AP3B1: variants seen among roughly 807,000 people sequenced by gnomAD.
AP3B1 encodes adaptor related protein complex 3 subunit beta 1.
In AP3B1, 61 loss-of-function variants were observed where a neutral mutation model predicts 132.5. The ratio of observed to expected loss-of-function variants is 0.46; its 90% CI spans 0.37 to 0.57. The LOEUF is 0.57. Among genes scored for constraint, AP3B1 ranks in the 20% least tolerant of loss-of-function variants. The pLI, the probability that AP3B1 is intolerant of heterozygous loss-of-function variation, is 0.00. For synonymous variants in AP3B1, 388 were observed against 438.3 expected (o/e 0.89, Z 1.43); for missense variants, 1,120 against 1,289.4 (o/e 0.87, Z 2.01).
chr5:78,123,784 G>C (rs1293378678), intron 17 of AP3B1, among the ~76,000 whole-genome samples: 1 of 151,736 alleles, frequency 6.6e-6, no homozygotes, highest in Non-Finnish European at 1.5e-5. Context: ...GTGGAAGTCA[G>C]TGTGGCGATT....
chr5:78,158,989 G>A (rs943524253), intron 13 of AP3B1, among the ~76,000 whole-genome samples: 5 of 152,078 alleles, frequency 3.3e-5, no homozygotes, highest in Non-Finnish European at 4.4e-5. Flanking sequence ...GAGCCACCGC[G>A]CCCACCCATA....
At chr5:78,059,197 T>C (rs1206226220) in intron 22 of AP3B1, among the ~76,000 whole-genome samples, 1 of 152,178 alleles carries the variant, frequency 6.6e-6, no homozygotes, top group Non-Finnish European at 1.5e-5. Flanking sequence ...ACAACTCAAT[T>C]GGCCATTGCT....
At chr5:78,097,542 C>T (rs1197965405) in intron 21 of AP3B1, among the ~76,000 whole-genome samples, 1 of 113,500 alleles carries the variant, frequency 8.8e-6, no homozygotes, top group Non-Finnish European at 1.8e-5. Context: ...CCAGCCGCCC[C>T]GTCCGGGAGG....
In AP3B1 at chr5:78,113,841, G is replaced by A. The variant is rs1422424722; in HGVS notation, c.2160C>T (p.Ser720=). 1 of 1,614,132 alleles carries A rather than the reference G, an allele frequency of 6.2e-7. No homozygotes were observed. Among genetic ancestry groups the A allele is most frequent in the Admixed American group, 1.7e-5 (1 of 60,028 alleles). Residue 720 remains serine (S), a synonymous_variant, in exon 19 of 27, where the codon TCC becomes TCT. Coordinates refer to ENST00000255194, the MANE Select transcript of AP3B1 (RefSeq NM_003664.5). ...GDSNEDSSED[S]SSEQDSESGR... ...CACTCTCACTGTCCTGCTCACTGGAGGAGTCCTCACTGCTGTCCTCATTGC... is the reference window on the plus strand; with the variant it reads ...CACTCTCACTGTCCTGCTCACTGGAAGAGTCCTCACTGCTGTCCTCATTGC...
chr5:78,122,617 T>C (rs1752264058), intron 17 of AP3B1, among the ~76,000 whole-genome samples: 1 of 151,970 alleles, frequency 6.6e-6, no homozygotes, highest in Non-Finnish European at 1.5e-5. Flanking sequence ...GAGAATAAAA[T>C]ACCTAGGAAT....
intron 3 of AP3B1, among the ~76,000 whole-genome samples, chr5:78,231,194 C>A (rs1460160028): frequency 6.6e-6 from 1 of 152,062 alleles, no homozygotes; most frequent in Non-Finnish European, 1.5e-5. Context: ...GTTTTTAAGA[C>A]AAAGTCTCAC....
At position 78,002,638 on chromosome 5, in the gene AP3B1, GAC is replaced by G. The variant is rs1408365912; in HGVS notation, c.*262_*263del. The G allele has an allele frequency of 1.7e-6, 1 of 599,088 alleles. No individual in the cohort carries two copies. Among genetic ancestry groups the G allele is most frequent in the Non-Finnish European group, 3.0e-6 (1 of 337,452 alleles). 37.1% of individuals were successfully genotyped at this position (599,088 alleles called of 1,614,324 possible). ...ACGAGGAGGCCAAAAGAAGCAGCAG[GAC>G]AGAGAAAACGCCACATGGATTCAAG... is the stretch of plus-strand genomic sequence containing the variant. On this transcript the variant is annotated 3_prime_UTR_variant, in exon 27 of 27. Transcript: ENST00000255194.
At chr5:78,117,928 G>C (rs1157839995) in intron 17 of AP3B1, among the ~76,000 whole-genome samples, 1 of 152,114 alleles carries the variant, frequency 6.6e-6, no homozygotes, top group African/African-American at 2.4e-5. Context: ...TTTATTGATT[G>C]TACCTTTGAG....
At chr5:78,267,425 A>C in intron 2 of AP3B1, 95 bp downstream of exon 2, 1 of 514,050 alleles carries the variant, frequency 1.9e-6, no homozygotes, top group Non-Finnish European at 3.2e-6. Context: ...AGAATATTAG[A>C]CTTGGTATTT....
At chr5:78,216,292 G>A in intron 6 of AP3B1, 55 bp from the exon 7 acceptor site, 3 of 1,519,306 alleles carry the variant, frequency 2.0e-6, no homozygotes, top group Admixed American at 3.7e-5. Context: ...CTACATCAAA[G>A]GTCTTACTCA....
chr5:78,254,292 T>C (rs996645299), intron 2 of AP3B1, among the ~76,000 whole-genome samples: 2 of 152,150 alleles, frequency 1.3e-5, no homozygotes, highest in African/African-American at 4.8e-5. Context: ...GTAGAAAGTT[T>C]ATTCAAAGGG....
intron 21 of AP3B1, among the ~76,000 whole-genome samples, chr5:78,097,205 C>A (rs1750871711): frequency 8.1e-6 from 1 of 123,318 alleles, no homozygotes; most frequent in Non-Finnish European, 1.7e-5. Flanking sequence ...AGCCCCTCTG[C>A]CCGGCCAGCC....
chr5:78,225,437 C>A, intron 6 of AP3B1, 105 bp downstream of exon 6: 1 of 613,574 alleles, frequency 1.6e-6, no homozygotes, highest in South Asian at 3.2e-5. Context: ...ATATTTATAC[C>A]ATTTTGAAAT....
intron 26 of AP3B1, among the ~76,000 whole-genome samples, chr5:78,013,979 C>T (rs940917296): frequency 1.2e-4 from 18 of 152,030 alleles, no homozygotes; most frequent in South Asian, 1.0e-3. Context: ...CTGGCTAACA[C>T]AGTGAAACCC....
chr5:78,212,657 G>A (rs146155228), intron 7 of AP3B1, among the ~76,000 whole-genome samples: 2 of 152,244 alleles, frequency 1.3e-5, no homozygotes, highest in East Asian at 3.9e-4. Flanking sequence ...AGTGTTGATG[G>A]TAAAAGGATA....
intron 22 of AP3B1, among the ~76,000 whole-genome samples, chr5:78,081,241 C>T (rs191118760): frequency 2.7e-4 from 41 of 150,378 alleles, no homozygotes; most frequent in Non-Finnish European, 5.5e-4. Context: ...AAGGAAGAGA[C>T]ATACTTGGAT....
chr5:78,273,771 C>T (rs759949437), intron 1 of AP3B1, among the ~76,000 whole-genome samples: 2 of 151,700 alleles, frequency 1.3e-5, no homozygotes, highest in Non-Finnish European at 1.5e-5. Context: ...AGGAAGATGC[C>T]CGAGGAGTAT....
rs1028498771 is a variant in AP3B1, at chr5:78,101,012, T to G, written c.2411A>C (p.Lys804Thr). 1 of 1,471,402 alleles carries G rather than the reference T, an allele frequency of 6.8e-7. No individual in the cohort carries two copies. Among genetic ancestry groups the G allele is most frequent in the Middle Eastern group, 1.7e-4 (1 of 5,828 alleles). 91.1% of individuals were successfully genotyped at this position (1,471,402 alleles called of 1,614,324 possible). Reference sequence around the variant, plus strand: ...AAGAGGAGTTCTATCTTGCTTTGTTTTCTTTTCTTTCTCCTATAAAATAAC... The same window carrying G: ...AAGAGGAGTTCTATCTTGCTTTGTTGTCTTTTCTTTCTCCTATAAAATAAC... ...SRRVTKEKEKKTKQDRTPLTK... is the reference protein window; with the variant it reads ...SRRVTKEKEKTTKQDRTPLTK... The change falls in exon 21 of 27, where the codon AAA becomes ACA. Residue 804 changes from lysine (K) to threonine (T), a missense_variant. Around this residue, in one of 3 missense-constraint regions of AP3B1, gnomAD observed 906 missense variants for 997.1 expected, o/e 0.91. Transcript: ENST00000255194.
At chr5:78,231,078 C>G (rs1365649405) in intron 3 of AP3B1, among the ~76,000 whole-genome samples, 1 of 151,918 alleles carries the variant, frequency 6.6e-6, no homozygotes, top group Admixed American at 6.6e-5. Flanking sequence ...CAAGATCGCA[C>G]CACTGCACCC....
Sources: gnomAD v4.1 joint callset for allele counts (sites outside exome capture counted in the v4.1 genomes callset) on GRCh38, gnomAD v4.1.1 for gene constraint, gnomAD v4.1.1 regional missense constraint, MANE v1.5 for transcripts, NCBI Gene and HGNC (gene_info 2026-07-23, HGNC 2026-07-21) for gene names.